NCOA2: variants seen among roughly 807,000 people sequenced by gnomAD.
The protein encoded by NCOA2 is class E basic helix-loop-helix protein 75.
In NCOA2, 21 loss-of-function variants were observed where a neutral mutation model predicts 145.1. The observed-to-expected ratio is 0.14, with a 90% CI of 0.10 to 0.21. The LOEUF (loss-of-function observed/expected upper bound fraction) is 0.21, where lower values mean the gene tolerates loss of function less well. NCOA2 is among the 10% of genes least tolerant of loss of function. The probability of loss-of-function intolerance (pLI) is 1.00; values close to 1 mark genes in which losing one functional copy is unlikely to be tolerated. For synonymous variants in NCOA2, 619 were observed against 637.5 expected (o/e 0.97, Z 0.44); for missense variants, 1,472 against 1,837.6 (o/e 0.80, Z 3.64).
chr8:70,190,548 CTATT>C (rs1162209965), intron 4 of NCOA2, among the ~76,000 whole-genome samples: 1 of 152,118 alleles, frequency 6.6e-6, no homozygotes. Flanking sequence ...CTATAATAAA[CTATT>C]TATAAGAAGG....
intron 1 of NCOA2, among the ~76,000 whole-genome samples, chr8:70,310,214 G>A: frequency 6.6e-6 from 1 of 151,286 alleles, no homozygotes; most frequent in Non-Finnish European, 1.5e-5. Flanking sequence ...TGGTGCGGGG[G>A]GTGCCTGTAA....
At chr8:70,238,382 T>G (rs55735853) in intron 2 of NCOA2, among the ~76,000 whole-genome samples, 3,431 of 152,156 alleles carry the variant, frequency 0.023, 128 homozygotes, top group African/African-American at 0.078. Flanking sequence ...AGCTCCACAA[T>G]GTAAATATTG....
chr8:70,125,005 C>T, intron 19 of NCOA2, 140 bp from the exon 20 acceptor site: 1 of 562,774 alleles, frequency 1.8e-6, no homozygotes, highest in East Asian at 3.3e-5. Context: ...TGATTAATTA[C>T]ATACATTTAA....
the NCOA2 span, among the ~76,000 whole-genome samples, chr8:70,440,571 G>T: frequency 6.6e-6 from 1 of 150,970 alleles, no homozygotes; most frequent in African/African-American, 2.4e-5. Context: ...AGATAAGGGA[G>T]AGAGAGAGAG....
chr8:70,134,722 T>C (rs1247255035), intron 15 of NCOA2, among the ~76,000 whole-genome samples: 1 of 152,176 alleles, frequency 6.6e-6, no homozygotes, highest in African/African-American at 2.4e-5. Context: ...TCATTTGAAT[T>C]TAAACAATTT....
intron 14 of NCOA2, 89 bp downstream of exon 14, chr8:70,141,095 A>G (rs1810355444): frequency 1.0e-5 from 13 of 1,297,298 alleles, no homozygotes; most frequent in Non-Finnish European, 1.4e-5. Context: ...TAAAATGCCC[A>G]TAAGAAGCAT....
intron 2 of NCOA2, among the ~76,000 whole-genome samples, chr8:70,235,280 G>A (rs1821496747): frequency 6.6e-6 from 1 of 152,074 alleles, no homozygotes; most frequent in Non-Finnish European, 1.5e-5. Context: ...AGATTATCAG[G>A]GGCTGGGGAG....
intron 4 of NCOA2, among the ~76,000 whole-genome samples, chr8:70,193,632 T>G (rs1049612032): frequency 1.3e-5 from 2 of 152,212 alleles, no homozygotes; most frequent in African/African-American, 4.8e-5. Context: ...TTTTAAGAAG[T>G]TGAGTTTAAT....
At chr8:70,161,013 C>T (rs923664964) in intron 9 of NCOA2, among the ~76,000 whole-genome samples, 11 of 152,118 alleles carry the variant, frequency 7.2e-5, no homozygotes, top group African/African-American at 4.8e-5. Flanking sequence ...TTTTCATTTC[C>T]TCTTGGTCTA....
intron 4 of NCOA2, among the ~76,000 whole-genome samples, chr8:70,177,035 A>G (rs566517901): frequency 6.6e-6 from 1 of 152,332 alleles, no homozygotes; most frequent in Non-Finnish European, 1.5e-5. Flanking sequence ...AGCAGTCCAC[A>G]TGCAGGAGCA....
the NCOA2 span, among the ~76,000 whole-genome samples, chr8:70,410,106 A>C: frequency 6.6e-6 from 1 of 152,116 alleles, no homozygotes; most frequent in Non-Finnish European, 1.5e-5. Flanking sequence ...ACTACTGGGG[A>C]GGCTGAGGCA....
chr8:70,207,237 T>C (rs1195749241), intron 4 of NCOA2, among the ~76,000 whole-genome samples: 2 of 152,244 alleles, frequency 1.3e-5, no homozygotes, highest in African/African-American at 4.8e-5. Context: ...TTCATACAAG[T>C]ACAAGGTGAT....
the NCOA2 span, among the ~76,000 whole-genome samples, chr8:70,437,987 C>T: frequency 1.3e-5 from 2 of 152,108 alleles, no homozygotes; most frequent in Non-Finnish European, 2.9e-5. Flanking sequence ...ATTAAATCAC[C>T]CACATAGCTT....
chr8:70,430,243 G>C, the NCOA2 span, among the ~76,000 whole-genome samples: 5 of 152,084 alleles, frequency 3.3e-5, no homozygotes, highest in Non-Finnish European at 7.4e-5. Flanking sequence ...CCTTAAGTAA[G>C]CTTTCCCAAA....
chr8:70,421,905 G>A, the NCOA2 span, among the ~76,000 whole-genome samples: 980 of 152,150 alleles, frequency 6.4e-3, 8 homozygotes, highest in African/African-American at 0.022. Flanking sequence ...GACTAGCCTG[G>A]CCAACATGGT....
intron 1 of NCOA2, among the ~76,000 whole-genome samples, chr8:70,351,403 TAA>T (rs1175432109): frequency 2.6e-5 from 4 of 152,160 alleles, no homozygotes; most frequent in African/African-American, 7.2e-5. Context: ...TTCTATTCTT[TAA>T]AGTTTTGTCT....
intron 2 of NCOA2, among the ~76,000 whole-genome samples, chr8:70,239,938 T>C (rs1484347764): frequency 6.6e-6 from 1 of 152,194 alleles, no homozygotes. Context: ...AGACCACCTT[T>C]GCTACTACAG....
At chr8:70,133,200 C>CTTT (rs57813061) in intron 15 of NCOA2, among the ~76,000 whole-genome samples, 5,351 of 106,886 alleles carry the variant, frequency 0.05, 212 homozygotes, top group East Asian at 0.17. Flanking sequence ...CTGGCTGCTA[C>CTTT]TTTTTTTTTT....
the NCOA2 span, among the ~76,000 whole-genome samples, chr8:70,440,221 G>A: frequency 6.6e-6 from 1 of 152,048 alleles, no homozygotes; most frequent in Non-Finnish European, 1.5e-5. Flanking sequence ...TGGTTGCAGT[G>A]AGCCAAGATT....
Sources: gnomAD v4.1 joint callset for allele counts (sites outside exome capture counted in the v4.1 genomes callset) on GRCh38, gnomAD v4.1.1 for gene constraint, MANE v1.5 for transcripts, NCBI Gene and HGNC (gene_info 2026-07-23, HGNC 2026-07-21) for gene names.